ZMYND8: variants seen among roughly 807,000 people sequenced by gnomAD.
ZMYND8 encodes the protein zinc finger MYND-type containing 8.
In ZMYND8, 37 loss-of-function variants were observed where a neutral mutation model predicts 140.8. The observed-to-expected ratio is 0.26, with a 90% CI of 0.20 to 0.35. The LOEUF is 0.35. Among genes scored for constraint, ZMYND8 ranks in the 10% least tolerant of loss-of-function variants. The pLI is 1.00. For synonymous variants in ZMYND8, 592 were observed against 597.1 expected, an observed-to-expected ratio of 0.99 and a Z score of 0.12; for missense variants, 1,068 against 1,570.0, an observed-to-expected ratio of 0.68 and a Z score of 5.40.
intron 7 of ZMYND8, among the ~76,000 whole-genome samples, chr20:47,288,774 T>C (rs950730128): frequency 1.9e-4 from 29 of 152,202 alleles, no homozygotes; most frequent in Admixed American, 6.5e-5. Context: ...TGCAATATGG[T>C]GCGTAAAGCA....
At chr20:47,324,721 C>T (rs375750974) in intron 2 of ZMYND8, among the ~76,000 whole-genome samples, 3 of 152,184 alleles carry the variant, frequency 2.0e-5, no homozygotes, top group African/African-American at 4.8e-5. Context: ...CCTTCGCATG[C>T]GGCTGGCCCC....
rs367757125 is a variant in ZMYND8 at position 47,255,689 on chromosome 20, G to GTATA, written c.1622-6254_1622-6251dup. ...ATGTATATGGTGTATGTGTGTGTGT[G>GTATA]TATATATATATATATATATACCGTG... is the stretch of plus-strand genomic sequence containing the variant. On this transcript the variant is annotated intron_variant, in intron 12 of 22. Coordinates refer to ENST00000471951, the MANE Select transcript of ZMYND8 (RefSeq NM_001281775.3). Among the ~76,000 whole-genome samples, 378 of 103,156 alleles carry GTATA rather than the reference G, an allele frequency of 3.7e-3. 12 individuals are homozygous for GTATA. Among genetic ancestry groups the GTATA allele is most frequent in the African/African-American group, 0.014 (340 of 24,198 alleles). 67.7% of individuals were successfully genotyped at this position (103,156 alleles called of 152,430 possible). A position where few individuals can be genotyped will look rare whatever the true frequency, so the allele number is the denominator to read the frequency against.
Position 47,227,197 on chromosome 20 carries a change from C to A in ZMYND8, c.3016+6G>T. On this transcript the variant is annotated splice_donor_region_variant and intron_variant, in intron 18 of 22. Coordinates refer to ENST00000471951, the MANE Select transcript of ZMYND8 (RefSeq NM_001281775.3). ...CCTCAGTCCAGACCAGTGTGTCAGG[C>A]CTTACCTAAGTTGTGTTTCATTTCG... is the stretch of plus-strand genomic sequence containing the variant. 1 of 1,614,160 alleles carries A rather than the reference C, an allele frequency of 6.2e-7. No homozygotes were observed. The highest frequency in any genetic ancestry group is 8.5e-7 in the Non-Finnish European group (1 of 1,180,002).
intron 11 of ZMYND8, among the ~76,000 whole-genome samples, chr20:47,265,478 T>C (rs1341282514): frequency 6.6e-6 from 1 of 152,232 alleles, no homozygotes; most frequent in East Asian, 1.9e-4. Context: ...TCTTGCTCTG[T>C]TGCCCAAGCT....
chr20:47,338,580 C>T (rs999343581), intron 2 of ZMYND8, among the ~76,000 whole-genome samples: 4 of 152,264 alleles, frequency 2.6e-5, no homozygotes, highest in Non-Finnish European at 5.9e-5. Context: ...ACCTCAGCAA[C>T]CCCAATCTTA....
In ZMYND8 at chr20:47,325,303, A is replaced by G. The variant is rs147476387; in HGVS notation, c.86-15099T>C. 4.9e-3 allele frequency among the ~76,000 whole-genome samples: 745 copies of G among 152,206 alleles called. 7 individuals carry two copies. Among genetic ancestry groups the G allele is most frequent in the African/African-American group, 0.017 (716 of 41,518 alleles). On this transcript the variant is annotated intron_variant, in intron 2 of 22. Coordinates refer to ENST00000471951, the MANE Select transcript of ZMYND8 (RefSeq NM_001281775.3). ...GTGTGAGCTCAATCTCAGCTTGTCC[A>G]TCCTTCTTTGCTGTAGCCCAGTGCC... is the stretch of plus-strand genomic sequence containing the variant.
intron 11 of ZMYND8, among the ~76,000 whole-genome samples, chr20:47,265,144 AC>A (rs1185770410): frequency 6.6e-6 from 1 of 151,572 alleles, no homozygotes; most frequent in Admixed American, 6.6e-5. Context: ...TTTATGTTCT[AC>A]CTCATTCCAA....
chr20:47,238,680 A>G, intron 15 of ZMYND8, 78 bp downstream of exon 15: 1 of 1,544,558 alleles, frequency 6.5e-7, no homozygotes, highest in Non-Finnish European at 8.7e-7. Flanking sequence ...AAAAAAAATA[A>G]AAGAGCAATG....
chr20:47,269,376 G>A (rs1415937075), intron 11 of ZMYND8, among the ~76,000 whole-genome samples: 1 of 152,200 alleles, frequency 6.6e-6, no homozygotes, highest in African/African-American at 2.4e-5. Context: ...TTAAATGTCA[G>A]TGGTCCTGAG....
chr20:47,216,303 G>A (rs1204463867), intron 21 of ZMYND8, among the ~76,000 whole-genome samples: 1 of 151,988 alleles, frequency 6.6e-6, no homozygotes, highest in Non-Finnish European at 1.5e-5. Context: ...AGACCAGCCT[G>A]GCCAACACAG....
rs776592443 is a variant in ZMYND8 at position 47,347,905 on chromosome 20, T to C, written c.36A>G (p.Lys12=). 22 of 1,613,910 alleles carry C rather than the reference T, an allele frequency of 1.4e-5. No individual in the cohort carries two copies. In the South Asian group the frequency reaches 2.4e-4, roughly 18 times the overall value. ...HPQSLAEEEI[K]TEQEVVEGMD... Reference sequence around the variant, plus strand: ...TGCCCTCTACCACCTCCTGTTCTGTTTTTATTTCCTCTTCAGCCAAGCTGA... The same window carrying C: ...TGCCCTCTACCACCTCCTGTTCTGTCTTTATTTCCTCTTCAGCCAAGCTGA... The change falls in exon 2 of 23, where the codon AAA becomes AAG. Residue 12 remains lysine, a synonymous_variant. Transcript: ENST00000471951.
Position 47,236,396 on chromosome 20 carries a change from A to C in ZMYND8, c.2786T>G (p.Val929Gly). 6.2e-7 allele frequency: 1 copy of C among 1,614,198 alleles called. No individual in the cohort carries two copies. The change falls in exon 16 of 23, where the codon GTC becomes GGC. Residue 929 changes from valine (V) to glycine (G), a missense_variant. Transcript: ENST00000471951. ...SGSMSTLVSS[V>G]NADLPIATAS... ...AGTGGCGATGGGCAGGTCAGCGTTG[A>C]CTGAGGACACAAGGGTGCTCATGGA...
At chr20:47,291,928 T>C (rs1388162231) in intron 5 of ZMYND8, 40 bp from the exon 6 acceptor site, 1 of 1,553,684 alleles carries the variant, frequency 6.4e-7, no homozygotes, top group Non-Finnish European at 8.8e-7. Context: ...AACCCATCAT[T>C]ACTATGGAAA....
chr20:47,277,765 G>A (rs138520285), intron 10 of ZMYND8, among the ~76,000 whole-genome samples: 1 of 151,930 alleles, frequency 6.6e-6, no homozygotes, highest in Non-Finnish European at 1.5e-5. Context: ...CCGTCTCCTG[G>A]GTTCAAGCAA....
chr20:47,276,805 C>T lies in ZMYND8; in HGVS notation c.999-10G>A, dbSNP rs748320431. On this transcript the variant is annotated splice_polypyrimidine_tract_variant and intron_variant, in intron 10 of 22. Coordinates refer to ENST00000471951, the MANE Select transcript of ZMYND8 (RefSeq NM_001281775.3). ...TATTGGAACCCAGGCCCTAGAAGGGCAAAAGATAAAGAGAGTTTAAGTCAA... is the reference window on the plus strand; with the variant it reads ...TATTGGAACCCAGGCCCTAGAAGGGTAAAAGATAAAGAGAGTTTAAGTCAA... The T allele has an allele frequency of 3.2e-6, 5 of 1,582,344 alleles. No individual in the cohort carries two copies. In the South Asian group the frequency reaches 5.7e-5, roughly 18 times the overall value.
intron 17 of ZMYND8, among the ~76,000 whole-genome samples, chr20:47,228,514 A>C (rs1260684883): frequency 6.6e-6 from 1 of 152,244 alleles, no homozygotes; most frequent in African/African-American, 2.4e-5. Context: ...ACCAATTCTT[A>C]CAACGTATAC....
At position 47,288,967 on chromosome 20, in the gene ZMYND8, T is replaced by G. The variant is rs192267065; in HGVS notation, c.748+1220A>C. Among the ~76,000 whole-genome samples, 257 of 152,126 alleles carry G rather than the reference T, an allele frequency of 1.7e-3. 1 individual carries two copies. The highest frequency in any genetic ancestry group is 5.9e-3 in the African/African-American group (245 of 41,520). Reference sequence around the variant, plus strand: ...AAATACAAAAATTAGCCAGGTGTGGTGGCACACGCCTGTAATCCCAGCTAC... The same window carrying G: ...AAATACAAAAATTAGCCAGGTGTGGGGGCACACGCCTGTAATCCCAGCTAC... On this transcript the variant is annotated intron_variant, in intron 7 of 22. Transcript: ENST00000471951.
At chr20:47,338,059 T>G (rs2081525381) in intron 2 of ZMYND8, among the ~76,000 whole-genome samples, 1 of 152,170 alleles carries the variant, frequency 6.6e-6, no homozygotes, top group South Asian at 2.1e-4. Context: ...GTTTTCTAAG[T>G]GCAAGTAGAG....
intron 2 of ZMYND8, among the ~76,000 whole-genome samples, chr20:47,323,519 C>A (rs2080147106): frequency 6.6e-6 from 1 of 152,152 alleles, no homozygotes; most frequent in South Asian, 2.1e-4. Flanking sequence ...AGCTGTTGCA[C>A]CTGGCCCCCA....
Sources: gnomAD v4.1 joint callset for allele counts (sites outside exome capture counted in the v4.1 genomes callset) on GRCh38, gnomAD v4.1.1 for gene constraint, MANE v1.5 for transcripts, NCBI Gene and HGNC (gene_info 2026-07-23, HGNC 2026-07-21) for gene names.